Variants in CSMD3 observed in about 807,000 individuals in gnomAD.
CSMD3 encodes the protein CUB and sushi domain-containing protein 3.
CSMD3 carries 177 observed loss-of-function variants against 435.2 expected under a neutral mutation model. The observed-to-expected ratio is 0.41, with a 90% CI of 0.36 to 0.46. CSMD3 has a LOEUF of 0.46. Ranked by LOEUF, CSMD3 falls within the 20% of genes least tolerant of loss-of-function variation. The probability of loss-of-function intolerance (pLI) is 0.34; values close to 1 mark genes in which losing one functional copy is unlikely to be tolerated. For synonymous variants in CSMD3, 1,656 were observed against 1,520.5 expected (o/e 1.09, Z -2.07); for missense variants, 4,265 against 4,504.6 (o/e 0.95, Z 1.52).
In CSMD3 at chr8:112,859,130, A is replaced by G; in HGVS notation, c.1755+15T>C. ...TTATGACTTTTTTTTTAAATCACAGATGGTGTTCTCTTACCTTATTTGTAT... is the reference window on the plus strand; with the variant it reads ...TTATGACTTTTTTTTTAAATCACAGGTGGTGTTCTCTTACCTTATTTGTAT... On this transcript the variant is annotated intron_variant, in intron 11 of 70. Coordinates refer to ENST00000297405, the MANE Select transcript of CSMD3 (RefSeq NM_198123.2). 1 of 1,606,668 alleles carries G rather than the reference A, an allele frequency of 6.2e-7. No homozygotes were observed. The highest frequency in any genetic ancestry group is 8.5e-7 in the Non-Finnish European group (1 of 1,174,054).
chr8:112,439,424 C>A (rs914919687), intron 32 of CSMD3, among the ~76,000 whole-genome samples: 1 of 152,082 alleles, frequency 6.6e-6, no homozygotes, highest in African/African-American at 2.4e-5. Flanking sequence ...TAGGTGTGAG[C>A]CACCGTGACA....
intron 1 of CSMD3, among the ~76,000 whole-genome samples, chr8:113,346,801 CT>C (rs1588565983): frequency 6.6e-6 from 1 of 151,948 alleles, no homozygotes; most frequent in East Asian, 1.9e-4. Flanking sequence ...GATCTTATGC[CT>C]TATGTGATTA....
chr8:113,215,814 A>G (rs2092897969), intron 3 of CSMD3, among the ~76,000 whole-genome samples: 1 of 151,824 alleles, frequency 6.6e-6, no homozygotes, highest in Non-Finnish European at 1.5e-5. Flanking sequence ...ATTCATCTTT[A>G]GGACACTCTA....
intron 9 of CSMD3, among the ~76,000 whole-genome samples, chr8:112,931,460 C>T (rs2083105115): frequency 6.7e-6 from 1 of 150,050 alleles, no homozygotes; most frequent in Non-Finnish European, 1.5e-5. Context: ...GGATTAAAGA[C>T]TTAAATGTAA....
chr8:113,287,471 T>C (rs1262456953), intron 2 of CSMD3, among the ~76,000 whole-genome samples: 1 of 152,048 alleles, frequency 6.6e-6, no homozygotes, highest in African/African-American at 2.4e-5. Flanking sequence ...TATGTCAAGA[T>C]GTCACTGGCA....
intron 59 of CSMD3, among the ~76,000 whole-genome samples, chr8:112,271,615 A>G (rs1046957928): frequency 3.9e-5 from 6 of 152,186 alleles, no homozygotes; most frequent in African/African-American, 1.4e-4. Context: ...CTATGTTACC[A>G]TGGAAAAGAA....
intron 24 of CSMD3, among the ~76,000 whole-genome samples, chr8:112,558,201 A>C (rs1828296313): frequency 6.6e-6 from 1 of 151,728 alleles, no homozygotes; most frequent in Non-Finnish European, 1.5e-5. Context: ...TACAAGCCAG[A>C]ATTCTTCTTC....
chr8:112,745,917 G>A (rs1179804950), intron 13 of CSMD3, among the ~76,000 whole-genome samples: 1 of 151,986 alleles, frequency 6.6e-6, no homozygotes, highest in African/African-American at 2.4e-5. Flanking sequence ...GAAACATTTT[G>A]CTAATTTTTT....
chr8:112,395,070 C>A (rs1830752878), intron 35 of CSMD3, among the ~76,000 whole-genome samples: 1 of 152,100 alleles, frequency 6.6e-6, no homozygotes, highest in African/African-American at 2.4e-5. Flanking sequence ...TATTTACCAA[C>A]AAAATATGCT....
chr8:112,818,599 C>A (rs1177020958), intron 12 of CSMD3, among the ~76,000 whole-genome samples: 5 of 152,130 alleles, frequency 3.3e-5, no homozygotes, highest in African/African-American at 1.2e-4. Context: ...TTTTAAAATA[C>A]ATTTTTGAAA....
intron 32 of CSMD3, among the ~76,000 whole-genome samples, chr8:112,445,455 G>A (rs2130544071): frequency 6.6e-6 from 1 of 152,254 alleles, no homozygotes. Context: ...ATGACGGAGG[G>A]CAAAGGGTGA....
intron 6 of CSMD3, among the ~76,000 whole-genome samples, chr8:113,001,335 A>T (rs1432867048): frequency 6.6e-6 from 1 of 152,024 alleles, no homozygotes; most frequent in East Asian, 1.9e-4. Flanking sequence ...CTCTCACTTA[A>T]TCCTGCTATG....
chr8:112,476,431 A>G (rs10108081), intron 31 of CSMD3, among the ~76,000 whole-genome samples: 47,709 of 152,020 alleles, frequency 0.31, 7,680 homozygotes, highest in East Asian at 0.5. Flanking sequence ...TGGGAAATAC[A>G]AATGAAGGAC....
At chr8:112,359,855 T>C (rs1827015556) in intron 38 of CSMD3, among the ~76,000 whole-genome samples, 1 of 152,122 alleles carries the variant, frequency 6.6e-6, no homozygotes, top group East Asian at 1.9e-4. Flanking sequence ...ATTGAATTTA[T>C]GGACCTAGGA....
chr8:113,265,220 A>G lies in CSMD3; in HGVS notation c.514+13372T>C, dbSNP rs541859180. Among the ~76,000 whole-genome samples the G allele has an allele frequency of 5.9e-5, 9 of 151,720 alleles. No individual in the cohort carries two copies. In the East Asian group the frequency reaches 1.7e-3, roughly 29 times the overall value. On this transcript the variant is annotated intron_variant, in intron 3 of 70. Coordinates refer to ENST00000297405, the MANE Select transcript of CSMD3 (RefSeq NM_198123.2). ...CAAAAATCTATGATTTTTTGAAGGTAACCAAGGCCTGCATAATGTCTGGAA... is the reference window on the plus strand; with the variant it reads ...CAAAAATCTATGATTTTTTGAAGGTGACCAAGGCCTGCATAATGTCTGGAA...
At chr8:113,106,823 C>A (rs530179714) in intron 4 of CSMD3, among the ~76,000 whole-genome samples, 1 of 151,924 alleles carries the variant, frequency 6.6e-6, no homozygotes, top group Non-Finnish European at 1.5e-5. Context: ...TCTTTGTTAT[C>A]CACATTCTTT....
intron 13 of CSMD3, among the ~76,000 whole-genome samples, chr8:112,698,669 T>C (rs2076313219): frequency 6.6e-6 from 1 of 152,064 alleles, no homozygotes; most frequent in Non-Finnish European, 1.5e-5. Flanking sequence ...AATTTAACCA[T>C]CAAACAAAGA....
chr8:112,402,992 G>A (rs1372518825), intron 35 of CSMD3, among the ~76,000 whole-genome samples: 1 of 152,118 alleles, frequency 6.6e-6, no homozygotes, highest in Non-Finnish European at 1.5e-5. Context: ...GTCTTTATGA[G>A]AGTGCAAGTA....
intron 22 of CSMD3, among the ~76,000 whole-genome samples, chr8:112,588,548 C>G (rs747791469): frequency 5.7e-4 from 87 of 151,694 alleles, no homozygotes; most frequent in Non-Finnish European, 7.4e-4. Context: ...TAGATATGTC[C>G]TTATGCTTTT....
Sources: gnomAD v4.1 joint callset for allele counts (sites outside exome capture counted in the v4.1 genomes callset) on GRCh38, gnomAD v4.1.1 for gene constraint, MANE v1.5 for transcripts, NCBI Gene and HGNC (gene_info 2026-07-23, HGNC 2026-07-21) for gene names.